Variants in CCDC102B observed in about 807,000 individuals in gnomAD.
The protein encoded by CCDC102B is coiled-coil domain containing 102B.
Under a neutral mutation model 57.4 loss-of-function variants are expected in CCDC102B, and 75 were observed. The ratio of observed to expected loss-of-function variants is 1.31; its 90% CI spans 1.08 to 1.58. The LOEUF (loss-of-function observed/expected upper bound fraction) is 1.58, where lower values mean the gene tolerates loss of function less well. Ranked by LOEUF, CCDC102B falls within the 40% of genes most tolerant of loss-of-function variation. The pLI is 0.00. For missense variants in CCDC102B, 636 were observed against 582.6 expected (o/e 1.09, Z -0.94); for synonymous variants, 206 against 201.9 (o/e 1.02, Z -0.17).
intron 3 of CCDC102B, among the ~76,000 whole-genome samples, chr18:68,841,954 G>A (rs935808098): frequency 6.6e-6 from 1 of 151,922 alleles, no homozygotes; most frequent in Non-Finnish European, 1.5e-5. Context: ...GCCCAGGCTG[G>A]TCTCAAACTC....
intron 7 of CCDC102B, among the ~76,000 whole-genome samples, chr18:69,032,003 A>G (rs1183515088): frequency 6.6e-6 from 1 of 151,808 alleles, no homozygotes; most frequent in Non-Finnish European, 1.5e-5. Context: ...TTAAAATGGT[A>G]AGAAGGAATA....
chr18:69,023,359 A>C (rs9945437), intron 7 of CCDC102B, among the ~76,000 whole-genome samples: 125,602 of 152,028 alleles, frequency 0.83, 54,036 homozygotes, highest in Non-Finnish European at 0.96. Flanking sequence ...TTAAAATATA[A>C]AAAATTGCAC....
intron 2 of CCDC102B, among the ~76,000 whole-genome samples, chr18:68,717,444 C>T (rs1000475568): frequency 6.6e-6 from 1 of 152,074 alleles, no homozygotes; most frequent in Non-Finnish European, 1.5e-5. Context: ...TAAAATTAAT[C>T]TCACCTGTTT....
intron 6 of CCDC102B, among the ~76,000 whole-genome samples, chr18:68,924,931 T>C (rs2041425929): frequency 6.6e-6 from 1 of 152,050 alleles, no homozygotes; most frequent in Non-Finnish European, 1.5e-5. Flanking sequence ...CCCCCAGATT[T>C]GCTGATTGGG....
At chr18:68,771,869 T>TAC (rs57733183) in intron 2 of CCDC102B, among the ~76,000 whole-genome samples, 45,600 of 141,734 alleles carry the variant, frequency 0.32, 7,111 homozygotes, top group East Asian at 0.45. Flanking sequence ...TACTCTGAAA[T>TAC]ACACACACAC....
intron 2 of CCDC102B, among the ~76,000 whole-genome samples, chr18:68,740,914 A>C (rs986681894): frequency 6.6e-6 from 1 of 152,206 alleles, no homozygotes; most frequent in Non-Finnish European, 1.5e-5. Context: ...TTTGCTCAGC[A>C]TGGAGAAGGG....
chr18:68,873,792 T>C (rs2039327359), intron 4 of CCDC102B, among the ~76,000 whole-genome samples: 2 of 151,984 alleles, frequency 1.3e-5, no homozygotes, highest in African/African-American at 4.8e-5. Flanking sequence ...GCATACATAT[T>C]ATGGATGATG....
chr18:68,775,054 T>A (rs2034766082), intron 2 of CCDC102B, among the ~76,000 whole-genome samples: 1 of 151,148 alleles, frequency 6.6e-6, no homozygotes, highest in Non-Finnish European at 1.5e-5. Context: ...GTCTTTTCAC[T>A]TTGTATTCTA....
chr18:68,959,446 C>G (rs190193809), intron 6 of CCDC102B, among the ~76,000 whole-genome samples: 367 of 152,246 alleles, frequency 2.4e-3, no homozygotes, highest in Non-Finnish European at 4.2e-3. Flanking sequence ...TAGGCTAGGT[C>G]AGACCTGAAG....
At position 68,883,541 on chromosome 18, in the gene CCDC102B, C is replaced by T. The variant is rs544430470; in HGVS notation, c.1053+8756C>T. On this transcript the variant is annotated intron_variant, in intron 5 of 7. Coordinates refer to ENST00000360242, the MANE Select transcript of CCDC102B (RefSeq NM_024781.3). ...TTGTTCAACCCTAGATCTCTCCCTT[C>T]TTCTCACATAGCCAGCCAATGCTTA... 6.6e-5 allele frequency among the ~76,000 whole-genome samples: 10 copies of T among 152,322 alleles called. No homozygotes were observed. In the East Asian group the frequency reaches 1.7e-3, roughly 27 times the overall value.
At chr18:68,815,775 AT>A (rs1421841732) in intron 1 of CCDC102B, among the ~76,000 whole-genome samples, 21 of 151,932 alleles carry the variant, frequency 1.4e-4, no homozygotes, top group African/African-American at 5.1e-4. Flanking sequence ...TATAAGATGT[AT>A]GTATTTTTTT....
intron 2 of CCDC102B, among the ~76,000 whole-genome samples, chr18:68,757,655 C>A (rs1287652012): frequency 6.6e-6 from 1 of 152,050 alleles, no homozygotes; most frequent in African/African-American, 2.4e-5. Context: ...TATTTCCTCA[C>A]ACATTAAACA....
chr18:68,739,920 T>C (rs1184010670), intron 2 of CCDC102B, among the ~76,000 whole-genome samples: 1 of 152,186 alleles, frequency 6.6e-6, no homozygotes. Flanking sequence ...AAAAAGCAAC[T>C]TGTGTCCCAA....
At chr18:68,990,786 C>A (rs185325021) in intron 6 of CCDC102B, among the ~76,000 whole-genome samples, 12 of 152,028 alleles carry the variant, frequency 7.9e-5, no homozygotes, top group Admixed American at 4.6e-4. Flanking sequence ...GAACATAAAT[C>A]TTTTATAGAT....
intron 6 of CCDC102B, among the ~76,000 whole-genome samples, chr18:68,925,026 G>A (rs1160714669): frequency 6.6e-6 from 1 of 151,920 alleles, no homozygotes; most frequent in Non-Finnish European, 1.5e-5. Context: ...CCACACCTTA[G>A]GGGCTACTGC....
intron 2 of CCDC102B, among the ~76,000 whole-genome samples, chr18:68,725,655 G>A (rs1344110047): frequency 6.6e-6 from 1 of 152,180 alleles, no homozygotes; most frequent in Non-Finnish European, 1.5e-5. Flanking sequence ...CCTTTCTGCT[G>A]CAACTCTCCC....
chr18:68,803,095 T>C (rs1409730511), intron 1 of CCDC102B, among the ~76,000 whole-genome samples: 1 of 152,218 alleles, frequency 6.6e-6, no homozygotes, highest in Non-Finnish European at 1.5e-5. Context: ...TCTTTATTAA[T>C]TTTAAAAGCC....
intron 6 of CCDC102B, among the ~76,000 whole-genome samples, chr18:68,952,929 G>A (rs1038775380): frequency 1.1e-4 from 17 of 152,016 alleles, no homozygotes; most frequent in Non-Finnish European, 2.5e-4. Flanking sequence ...CTACACACAT[G>A]GGGGGTAGTG....
rs1294980560 is a variant in CCDC102B at position 68,956,610 on chromosome 18, A to AT, written c.1264-54324_1264-54323insT. Among the ~76,000 whole-genome samples the AT allele has an allele frequency of 5.6e-4, 48 of 86,342 alleles. 9 individuals are homozygous for AT. In the South Asian group the frequency reaches 0.011, roughly 19 times the overall value. The allele number at this position is 86,342 out of a possible 152,430, so 56.6% of individuals were successfully genotyped here. On this transcript the variant is annotated intron_variant, in intron 6 of 7. Coordinates refer to ENST00000360242, the MANE Select transcript of CCDC102B (RefSeq NM_024781.3). ...TATTATATATATATTATATATATAT[A>AT]AAATATATAATATATATATCGCACC...
Sources: gnomAD v4.1 joint callset for allele counts (sites outside exome capture counted in the v4.1 genomes callset) on GRCh38, gnomAD v4.1.1 for gene constraint, MANE v1.5 for transcripts, NCBI Gene and HGNC (gene_info 2026-07-23, HGNC 2026-07-21) for gene names.